The following SYNPO variants were observed in gnomAD, a reference collection of about 807,000 sequenced individuals.
SYNPO encodes synaptopodin.
Under a neutral mutation model 49.5 loss-of-function variants are expected in SYNPO, and 19 were observed. The observed-to-expected ratio is 0.38, with a 90% CI of 0.27 to 0.56. The LOEUF is 0.56. Ranked by LOEUF, SYNPO falls within the 20% of genes least tolerant of loss-of-function variation. The pLI is 0.68. For synonymous variants in SYNPO, 536 were observed against 548.0 expected (o/e 0.98, Z 0.31); for missense variants, 1,131 against 1,248.3 (o/e 0.91, Z 1.42).
At chr5:150,623,075 T>C (rs79753842) in intron 2 of SYNPO, among the ~76,000 whole-genome samples, 9,451 of 152,248 alleles carry the variant, frequency 0.062, 701 homozygotes, top group East Asian at 0.27. Flanking sequence ...CTGCCACATG[T>C]GAACACGTCT....
At chr5:150,625,912 A>G (rs1360920696) in intron 2 of SYNPO, among the ~76,000 whole-genome samples, 2 of 152,254 alleles carry the variant, frequency 1.3e-5, no homozygotes, top group Non-Finnish European at 2.9e-5. Flanking sequence ...CCAACTTGTT[A>G]TGTGATCTTG....
At chr5:150,651,906 G>A (rs1048275023) in intron 2 of SYNPO, 2 of 1,000,388 alleles carry the variant, frequency 2.0e-6, no homozygotes, top group African/African-American at 3.5e-5. Context: ...AGAGAATACA[G>A]ACACAAGTGG....
rs866205305 is a variant in SYNPO, at chr5:150,623,518, C to T, written c.400+4751C>T. ...GGGGTCCCAGGATCCCACCCCCACC[C>T]CTCACTCTCCCAACCTGCCCTCTAC... On this transcript the variant is annotated intron_variant, in intron 2 of 2. Coordinates refer to the SYNPO transcript ENST00000394243. 5.3e-5 allele frequency among the ~76,000 whole-genome samples: 8 copies of T among 152,178 alleles called. No individual in the cohort carries two copies. The Middle Eastern group carries it at 0.02, about 388-fold the overall frequency.
chr5:150,602,771 C>G (rs1444833784), intron 1 of SYNPO, among the ~76,000 whole-genome samples: 2 of 152,098 alleles, frequency 1.3e-5, no homozygotes, highest in African/African-American at 2.4e-5. Flanking sequence ...AAACACCTGG[C>G]CACAAGCGAT....
At position 150,648,305 on chromosome 5, in the gene SYNPO, G is replaced by C. The variant is rs1448106748; in HGVS notation, c.30G>C (p.Leu10Phe). 6.2e-7 allele frequency: 1 copy of C among 1,614,178 alleles called. No individual in the cohort carries two copies. The change falls in exon 2 of 3, where the codon TTG becomes TTC. Residue 10 changes from leucine (L) to phenylalanine (F), a missense_variant. Leu to Phe is a conservative substitution (Grantham distance 22). Transcript: ENST00000307662. This position sits in a 1 kb window ranked among gnomAD's most constrained non-coding sequence, Gnocchi z 5.0. ...AGGGGTACTCAGAGGAGGCTAGCTT[G>C]CTGCGGCACCTGGAGAAGGTGGCCA... MEGYSEEAS[L>F]LRHLEKVASE...
chr5:150,599,593 G>T (rs185544866), upstream of SYNPO, among the ~76,000 whole-genome samples: 2 of 152,286 alleles, frequency 1.3e-5, no homozygotes, highest in African/African-American at 4.8e-5. Context: ...AGCCTCAGTT[G>T]CCCTAAAGTG....
chr5:150,603,289 C>T (rs1756600873), intron 1 of SYNPO, among the ~76,000 whole-genome samples: 1 of 152,244 alleles, frequency 6.6e-6, no homozygotes, highest in Non-Finnish European at 1.5e-5. Context: ...TCAGCTCTGG[C>T]TCCCAGGCCA....
chr5:150,634,784 C>G (rs549689514), intron 2 of SYNPO, among the ~76,000 whole-genome samples: 1 of 151,944 alleles, frequency 6.6e-6, no homozygotes, highest in South Asian at 2.1e-4. Flanking sequence ...CACCACTGCA[C>G]TCCAGCCTGC....
intron 2 of SYNPO, chr5:150,652,906 G>A (rs1206913188): frequency 1.3e-5 from 2 of 152,204 alleles, no homozygotes; most frequent in Admixed American, 6.5e-5. Flanking sequence ...TCTGATTCGT[G>A]TGTGACCTCA....
intron 2 of SYNPO, chr5:150,624,965 C>G: frequency 4.1e-6 from 4 of 985,500 alleles, no homozygotes; most frequent in Non-Finnish European, 4.8e-6. Flanking sequence ...CTCGCCCCTT[C>G]CCACCTGCGC....
intron 1 of SYNPO, among the ~76,000 whole-genome samples, chr5:150,644,075 T>C (rs1758005100): frequency 6.6e-6 from 1 of 150,882 alleles, no homozygotes; most frequent in African/African-American, 2.4e-5. Flanking sequence ...CTCAGGAGGC[T>C]GAGGTGGGAG....
rs374045522 is a variant in SYNPO, at chr5:150,649,099, C to G, written c.824C>G (p.Pro275Arg). The change falls in exon 2 of 3, where the codon CCC becomes CGC. Residue 275 changes from proline (P) to arginine (R), a missense_variant. This residue lies in a region of SYNPO where 602 missense variants were observed against 720.7 expected (regional missense o/e 0.84). Transcript: ENST00000307662. ...FGEKAPAPQPPSLPDRSPRPQ... is the reference protein window; with the variant it reads ...FGEKAPAPQPRSLPDRSPRPQ... Reference sequence around the variant, plus strand: ...GAGAAGGCCCCGGCTCCCCAGCCCCCCAGTTTGCCAGACAGGAGCCCCCGG... The same window carrying G: ...GAGAAGGCCCCGGCTCCCCAGCCCCGCAGTTTGCCAGACAGGAGCCCCCGG... 4.7e-5 allele frequency: 76 copies of G among 1,613,830 alleles called. No individual in the cohort carries two copies. The highest frequency in any genetic ancestry group is 6.1e-5 in the Non-Finnish European group (72 of 1,179,878).
rs1758240337 is a variant in SYNPO at position 150,649,134 on chromosome 5, C to T, written c.859C>T (p.His287Tyr). 1 of 1,614,126 alleles carries T rather than the reference C, an allele frequency of 6.2e-7. No homozygotes were observed. ...LPDRSPRPQR[H>Y]IMSRSPMVER... is the part of the protein sequence containing the mutation. ...AGACAGGAGCCCCCGGCCACAGAGA[C>T]ACATAATGTCCCGCAGCCCCATGGT... Residue 287 changes from histidine to tyrosine, a missense_variant, in exon 2 of 3, where the codon CAC (histidine) becomes TAC (tyrosine). This residue lies in a region of SYNPO where 602 missense variants were observed against 720.7 expected (regional missense o/e 0.84). Transcript: ENST00000307662.
chr5:150,632,079 C>T (rs956301019), intron 2 of SYNPO, among the ~76,000 whole-genome samples: 7 of 152,222 alleles, frequency 4.6e-5, no homozygotes, highest in Admixed American at 3.3e-4. Flanking sequence ...AGGCAGGAGG[C>T]TTGCATCCTG....
upstream of SYNPO, among the ~76,000 whole-genome samples, chr5:150,636,025 T>A (rs1051693910): frequency 1.3e-5 from 2 of 152,238 alleles, no homozygotes; most frequent in Non-Finnish European, 2.9e-5. Context: ...GTCCCTGCTT[T>A]ATTTTTTTAT....
rs1207036011 is a variant in SYNPO at position 150,648,028 on chromosome 5, C to T, written c.-248C>T. On this transcript the variant is annotated 5_prime_UTR_variant, in exon 2 of 3. Transcript: ENST00000307662. This position sits in a 1 kb window ranked among gnomAD's most constrained non-coding sequence, Gnocchi z 5.0. The stretch of plus-strand genomic sequence containing the variant: ...CAGCAGATTGCAGCCCAGCTGACCA[C>T]CCCTCCCAGCTCCAATTCCCGTGGC... 3 of 1,551,854 alleles carry T rather than the reference C, an allele frequency of 1.9e-6. No individual in the cohort carries two copies. The Admixed American group carries it at 5.9e-5, about 30-fold the overall frequency.
intron 1 of SYNPO, among the ~76,000 whole-genome samples, chr5:150,641,385 A>G (rs991417613): frequency 7.9e-5 from 12 of 152,188 alleles, no homozygotes; most frequent in East Asian, 1.9e-4. Flanking sequence ...GACTACCACA[A>G]TGGGCTGCCT....
intron 1 of SYNPO, 67 bp from the exon 2 acceptor site, chr5:150,647,877 G>A: frequency 7.0e-7 from 1 of 1,435,086 alleles, no homozygotes; most frequent in Admixed American, 2.1e-5. Flanking sequence ...CTGTCTGCCT[G>A]TTTGTCCGTG....
At chr5:150,645,471 T>G (rs952698066) in intron 1 of SYNPO, among the ~76,000 whole-genome samples, 1 of 152,242 alleles carries the variant, frequency 6.6e-6, no homozygotes, top group African/African-American at 2.4e-5. Flanking sequence ...TCAACAATTA[T>G]AAATTGAGCA....
Sources: allele counts gnomAD v4.1 joint callset (sites outside exome capture counted in the v4.1 genomes callset), GRCh38; gene constraint gnomAD v4.1.1; regional missense constraint gnomAD v4.1.1; non-coding constraint Gnocchi (gnomAD v3.1); transcripts MANE v1.5; gene names NCBI Gene and HGNC (gene_info 2026-07-23, HGNC 2026-07-21).